CSMD1: variants seen among roughly 807,000 people sequenced by gnomAD.
CSMD1 encodes CUB and sushi domain-containing protein 1.
In CSMD1, 213 loss-of-function variants were observed where a neutral mutation model predicts 417.5. The ratio of observed to expected loss-of-function variants is 0.51; its 90% CI spans 0.46 to 0.57. The LOEUF is 0.57. Ranked by LOEUF, CSMD1 falls within the 20% of genes least tolerant of loss-of-function variation. CSMD1 has a pLI of 0.00. For synonymous variants in CSMD1, 2,862 were observed against 1,736.8 expected (o/e 1.65, Z -16.11); for missense variants, 6,923 against 4,529.7 (o/e 1.53, Z -15.17).
chr8:4,303,208 G>A (rs932853037), intron 3 of CSMD1, among the ~76,000 whole-genome samples: 2 of 152,062 alleles, frequency 1.3e-5, no homozygotes, highest in African/African-American at 4.8e-5. Context: ...AATAACATCT[G>A]TTAACAGAGG....
At position 4,459,126 on chromosome 8, in the gene CSMD1, AC is replaced by A. The variant is rs1193453341; in HGVS notation, c.303-39062del. On this transcript the variant is annotated intron_variant, in intron 2 of 69. Transcript: ENST00000635120. ...CGCTTCTAACCAGGAGGGTCAGGCC[AC>A]CATCCTTTCTCATCCTCACAAGCTT... Among the ~76,000 whole-genome samples the A allele has an allele frequency of 2.0e-5, 3 of 152,318 alleles. No homozygotes were observed. In the East Asian group the frequency reaches 5.8e-4, roughly 29 times the overall value.
chr8:4,621,651 G>C (rs927591795), intron 2 of CSMD1, among the ~76,000 whole-genome samples: 1 of 151,908 alleles, frequency 6.6e-6, no homozygotes, highest in African/African-American at 2.4e-5. Context: ...TAGAAACAGA[G>C]GAGAAAACAG....
At chr8:3,787,938 G>T (rs139141307) in intron 5 of CSMD1, among the ~76,000 whole-genome samples, 100 of 152,220 alleles carry the variant, frequency 6.6e-4, no homozygotes, top group African/African-American at 2.4e-3. Flanking sequence ...GAAGGAGATG[G>T]GCAGAAATCC....
intron 36 of CSMD1, among the ~76,000 whole-genome samples, chr8:3,186,368 G>A (rs1821759883): frequency 6.6e-6 from 1 of 152,162 alleles, no homozygotes; most frequent in Non-Finnish European, 1.5e-5. Flanking sequence ...ACAGTAATGG[G>A]CTATTTGAAA....
At chr8:3,294,816 G>A (rs112715067) in intron 25 of CSMD1, among the ~76,000 whole-genome samples, 9 of 152,200 alleles carry the variant, frequency 5.9e-5, no homozygotes, top group Non-Finnish European at 1.0e-4. Flanking sequence ...CGCTTGGTGG[G>A]CTGCACCCAT....
chr8:4,500,760 A>G (rs114020834), intron 2 of CSMD1, among the ~76,000 whole-genome samples: 1,984 of 152,220 alleles, frequency 0.013, 43 homozygotes, highest in African/African-American at 0.045. Flanking sequence ...AATGTGTGTT[A>G]TGTTTGGCAA....
At chr8:4,731,239 C>G (rs953510243) in intron 1 of CSMD1, among the ~76,000 whole-genome samples, 3 of 152,188 alleles carry the variant, frequency 2.0e-5, no homozygotes, top group South Asian at 2.1e-4. Flanking sequence ...AGCCTCCACA[C>G]AAGATGCCCA....
At chr8:4,127,929 C>T (rs963168948) in intron 3 of CSMD1, among the ~76,000 whole-genome samples, 17 of 152,208 alleles carry the variant, frequency 1.1e-4, no homozygotes, top group Admixed American at 7.9e-4. Flanking sequence ...AGAGCATGCA[C>T]AGTTAAACAC....
chr8:4,328,626 G>C (rs998766866), intron 3 of CSMD1, among the ~76,000 whole-genome samples: 7 of 150,384 alleles, frequency 4.7e-5, no homozygotes, highest in African/African-American at 1.5e-4. Flanking sequence ...TATTTACCAT[G>C]CTTACTTACC....
chr8:4,572,602 T>A lies in CSMD1; in HGVS notation c.302+64740A>T, dbSNP rs187039631. On this transcript the variant is annotated intron_variant, in intron 2 of 69. Transcript: ENST00000635120. ...ATGCGATGATTATGTGTCTTGGGGT[T>A]GCTCTTCTCAAGGAGTATCTGAGCG... Among the ~76,000 whole-genome samples, 332 of 152,276 alleles carry A rather than the reference T, an allele frequency of 2.2e-3. 1 individual carries two copies. In the Middle Eastern group the frequency reaches 0.034, roughly 16 times the overall value.
At chr8:4,590,594 T>G (rs977948831) in intron 2 of CSMD1, among the ~76,000 whole-genome samples, 3 of 152,108 alleles carry the variant, frequency 2.0e-5, no homozygotes, top group African/African-American at 4.8e-5. Flanking sequence ...AATATACTAT[T>G]TAAAATAAAA....
intron 3 of CSMD1, among the ~76,000 whole-genome samples, chr8:4,062,085 T>C (rs1585231111): frequency 6.6e-6 from 1 of 151,924 alleles, no homozygotes; most frequent in African/African-American, 2.4e-5. Context: ...GCCAGGAGAA[T>C]GGCAAAGCAT....
intron 3 of CSMD1, among the ~76,000 whole-genome samples, chr8:4,301,263 C>G (rs749252433): frequency 1.3e-5 from 2 of 152,072 alleles, no homozygotes; most frequent in Non-Finnish European, 2.9e-5. Flanking sequence ...ATTCTTTGGC[C>G]CTCCACAAAG....
chr8:4,834,080 C>T (rs565811376), intron 1 of CSMD1, among the ~76,000 whole-genome samples: 1 of 152,224 alleles, frequency 6.6e-6, no homozygotes, highest in African/African-American at 2.4e-5. Context: ...TATTGGACTC[C>T]TAGAGATATT....
At chr8:3,738,617 C>G (rs73187266) in intron 6 of CSMD1, among the ~76,000 whole-genome samples, 7,878 of 152,250 alleles carry the variant, frequency 0.052, 300 homozygotes, top group East Asian at 0.14. Flanking sequence ...GCAGCAGTCA[C>G]CACTGAGGGG....
intron 37 of CSMD1, among the ~76,000 whole-genome samples, chr8:3,166,761 G>A (rs1317664214): frequency 6.6e-6 from 1 of 151,844 alleles, no homozygotes; most frequent in East Asian, 1.9e-4. Flanking sequence ...CAAATAAAAA[G>A]AATTATTTAT....
chr8:3,720,281 C>CAAT (rs1383031232), intron 6 of CSMD1, among the ~76,000 whole-genome samples: 1 of 152,026 alleles, frequency 6.6e-6, no homozygotes, highest in Admixed American at 6.6e-5. Flanking sequence ...TTTAATCAAT[C>CAAT]AATAGAGCTT....
intron 9 of CSMD1, among the ~76,000 whole-genome samples, chr8:3,584,402 G>A (rs73660314): frequency 1.6e-4 from 25 of 152,302 alleles, no homozygotes; most frequent in South Asian, 2.1e-4. Context: ...TTGAATTGAC[G>A]AGAACAGGAA....
intron 2 of CSMD1, among the ~76,000 whole-genome samples, chr8:4,524,213 T>C (rs191499954): frequency 1.3e-5 from 2 of 151,224 alleles, no homozygotes; most frequent in East Asian, 3.9e-4. Flanking sequence ...TATATTTATA[T>C]ATTAAACATT....
Sources: allele counts gnomAD v4.1 joint callset (sites outside exome capture counted in the v4.1 genomes callset), GRCh38; gene constraint gnomAD v4.1.1; transcripts MANE v1.5; gene names NCBI Gene and HGNC (gene_info 2026-07-23, HGNC 2026-07-21).